TPTE2: variants seen among roughly 807,000 people sequenced by gnomAD.
TPTE2 encodes phosphatidylinositol 3,4,5-trisphosphate 3-phosphatase TPTE2.
TPTE2 carries 53 observed loss-of-function variants against 78.6 expected under a neutral mutation model. The ratio of observed to expected loss-of-function variants is 0.67; its 90% CI spans 0.54 to 0.85. TPTE2 has a LOEUF of 0.85. Ranked by LOEUF, TPTE2 falls within the 40% of genes least tolerant of loss-of-function variation. The pLI is 0.00. For synonymous variants in TPTE2, 175 were observed against 206.2 expected, an observed-to-expected ratio of 0.85 and a Z score of 1.30; for missense variants, 461 against 623.0, an observed-to-expected ratio of 0.74 and a Z score of 2.77.
intron 6 of TPTE2, among the ~76,000 whole-genome samples, chr13:19,468,623 T>C (rs1879433868): frequency 6.6e-6 from 1 of 152,206 alleles, no homozygotes; most frequent in Non-Finnish European, 1.5e-5. Context: ...CTAATTTACA[T>C]TTCCATGAAC....
intron 13 of TPTE2, among the ~76,000 whole-genome samples, chr13:19,445,142 C>T (rs1405579327): frequency 6.6e-6 from 1 of 152,094 alleles, no homozygotes; most frequent in Non-Finnish European, 1.5e-5. Context: ...CCAGAAGATA[C>T]TCCTGAGAGA....
intron 4 of TPTE2, among the ~76,000 whole-genome samples, chr13:19,480,594 C>T (rs1361282094): frequency 6.6e-6 from 1 of 151,992 alleles, no homozygotes; most frequent in East Asian, 1.9e-4. Context: ...GGAGAAATTG[C>T]TTATATTACA....
At chr13:19,451,169 T>C (rs4529973) in exon 11 of TPTE2, 6 of 1,613,276 alleles carry the variant, frequency 3.7e-6, no homozygotes, top group Admixed American at 3.3e-5. Flanking sequence ...ACATACTGCA[T>C]AGATTGTAGA....
intron 1 of TPTE2, chr13:19,493,740 T>G: frequency 1.9e-6 from 1 of 540,308 alleles, no homozygotes; most frequent in Non-Finnish European, 3.4e-6. Context: ...GTAAACCTCT[T>G]TATTATGACC....
intron 15 of TPTE2, among the ~76,000 whole-genome samples, chr13:19,433,061 A>C (rs922967300): frequency 6.6e-6 from 1 of 152,108 alleles, no homozygotes; most frequent in Non-Finnish European, 1.5e-5. Flanking sequence ...GAATTTCTTC[A>C]CTTTGCATTT....
intron 10 of TPTE2, among the ~76,000 whole-genome samples, chr13:19,454,455 G>C (rs530297691): frequency 6.6e-6 from 1 of 152,284 alleles, no homozygotes; most frequent in East Asian, 1.9e-4. Flanking sequence ...AGGGCTCCAT[G>C]GCCTGATTCC....
Position 19,444,407 on chromosome 13 carries a change from C to A in TPTE2, c.973+5669G>T, listed in dbSNP as rs1469786197. On this transcript the variant is annotated intron_variant, in intron 13 of 19. Transcript: ENST00000400230. ...CAAGATTAATAAATAAAATGAACTGCATTTAAAACAACAAAAAACATTTAG... is the reference window on the plus strand; with the variant it reads ...CAAGATTAATAAATAAAATGAACTGAATTTAAAACAACAAAAAACATTTAG... Among the ~76,000 whole-genome samples, 3 of 133,326 alleles carry A rather than the reference C, an allele frequency of 2.3e-5. No homozygotes were observed. In the East Asian group the frequency reaches 7.5e-4, roughly 33 times the overall value. 87.5% of individuals were successfully genotyped at this position (133,326 alleles called of 152,430 possible). A position where few individuals can be genotyped will look rare whatever the true frequency, so the allele number is the denominator to read the frequency against.
chr13:19,517,593 G>T (rs540756579), intron 1 of TPTE2, among the ~76,000 whole-genome samples: 1 of 152,302 alleles, frequency 6.6e-6, no homozygotes, highest in Admixed American at 6.5e-5. Context: ...TGAGAGGACA[G>T]CATTAGCCAA....
intron 15 of TPTE2, among the ~76,000 whole-genome samples, chr13:19,434,972 T>A (rs1876967395): frequency 6.6e-6 from 1 of 152,210 alleles, no homozygotes; most frequent in African/African-American, 2.4e-5. Flanking sequence ...CTCATAGAGT[T>A]ACTGAGAATA....
intron 13 of TPTE2, among the ~76,000 whole-genome samples, chr13:19,446,123 T>C (rs1566043377): frequency 6.6e-6 from 1 of 152,222 alleles, no homozygotes; most frequent in Non-Finnish European, 1.5e-5. Context: ...ATGATTCACA[T>C]GTACAACTCA....
At chr13:19,450,302 C>A (rs1457649518) in exon 12 of TPTE2, 4 of 1,611,290 alleles carry the variant, frequency 2.5e-6, no homozygotes, top group East Asian at 2.2e-5. Context: ...CATGATTCTA[C>A]TGACCCTATT....
At chr13:19,470,858 T>C (rs1165364054) in intron 6 of TPTE2, among the ~76,000 whole-genome samples, 5 of 151,854 alleles carry the variant, frequency 3.3e-5, no homozygotes, top group Non-Finnish European at 5.9e-5. Flanking sequence ...GAGTATTTCC[T>C]GTAGGCAACA....
chr13:19,554,803 A>G, the TPTE2 span, among the ~76,000 whole-genome samples: 1 of 152,168 alleles, frequency 6.6e-6, no homozygotes, highest in Non-Finnish European at 1.5e-5. Flanking sequence ...CTGAGCCTTT[A>G]TGTGCAGAAA....
In TPTE2 at chr13:19,535,072, C is replaced by T. The variant is rs957905556; in HGVS notation, c.-44+1524G>A. On this transcript the variant is annotated intron_variant, in intron 1 of 17. Transcript: ENST00000390680. This position sits in a 1 kb window ranked among gnomAD's most constrained non-coding sequence, Gnocchi z 5.1. ...TACAGAAATTAGCCAGGCGTGGTGGCGGGCACATGCAGTCCCAGCTACTCA... is the reference window on the plus strand; with the variant it reads ...TACAGAAATTAGCCAGGCGTGGTGGTGGGCACATGCAGTCCCAGCTACTCA... Among the ~76,000 whole-genome samples, 1 of 151,920 alleles carries T rather than the reference C, an allele frequency of 6.6e-6. No individual in the cohort carries two copies. The highest frequency in any genetic ancestry group is 1.5e-5 in the Non-Finnish European group (1 of 67,986).
At chr13:19,533,816 T>C (rs1213654220) in intron 1 of TPTE2, among the ~76,000 whole-genome samples, 5 of 152,300 alleles carry the variant, frequency 3.3e-5, no homozygotes, top group East Asian at 1.9e-4. Flanking sequence ...TGTAGAATTG[T>C]TGACAATTAA....
chr13:19,464,875 C>A (rs1474406072), intron 9 of TPTE2, among the ~76,000 whole-genome samples: 1 of 152,208 alleles, frequency 6.6e-6, no homozygotes, highest in South Asian at 2.1e-4. Flanking sequence ...TCCCAAGGTG[C>A]TTTGCAGCCC....
chr13:19,452,710 T>C (rs1878255590), intron 10 of TPTE2, among the ~76,000 whole-genome samples: 1 of 152,154 alleles, frequency 6.6e-6, no homozygotes, highest in Non-Finnish European at 1.5e-5. Context: ...TGATTTATTG[T>C]GGATACAAGA....
At chr13:19,462,665 C>T (rs928328451) in intron 10 of TPTE2, among the ~76,000 whole-genome samples, 1 of 151,450 alleles carries the variant, frequency 6.6e-6, no homozygotes, top group African/African-American at 2.4e-5. Flanking sequence ...GATTTAGCCT[C>T]CCAAGTAACT....
chr13:19,556,324 A>C, the TPTE2 span, among the ~76,000 whole-genome samples: 1 of 152,194 alleles, frequency 6.6e-6, no homozygotes, highest in African/African-American at 2.4e-5. Context: ...TTTATAGTAC[A>C]ATTTGTTCAA....
Sources: allele counts gnomAD v4.1 joint callset (sites outside exome capture counted in the v4.1 genomes callset), GRCh38; gene constraint gnomAD v4.1.1; non-coding constraint Gnocchi (gnomAD v3.1); transcripts MANE v1.5; gene names NCBI Gene and HGNC (gene_info 2026-07-23, HGNC 2026-07-21).